The following KCNK1 variants were observed in gnomAD, a reference collection of about 807,000 sequenced individuals.
KCNK1 encodes potassium two pore domain channel subfamily K member 1.
Under a neutral mutation model 22.2 loss-of-function variants are expected in KCNK1, and 10 were observed. The ratio of observed to expected loss-of-function variants is 0.45; its 90% CI spans 0.28 to 0.76. The LOEUF (loss-of-function observed/expected upper bound fraction) is 0.76. Among genes scored for constraint, KCNK1 ranks in the 30% least tolerant of loss-of-function variants. The probability of loss-of-function intolerance (pLI) is 0.14; values close to 1 mark genes in which losing one functional copy is unlikely to be tolerated. For missense variants in KCNK1, 378 were observed against 421.0 expected (o/e 0.90, Z 0.89); for synonymous variants, 200 against 186.4 (o/e 1.07, Z -0.60).
chr1:233,639,075 C>T (rs747179967), intron 1 of KCNK1, among the ~76,000 whole-genome samples: 10 of 152,286 alleles, frequency 6.6e-5, no homozygotes, highest in Admixed American at 4.6e-4. Flanking sequence ...TGATGGGCTC[C>T]AGTCCTAACA....
intron 2 of KCNK1, among the ~76,000 whole-genome samples, chr1:233,670,992 G>A (rs1658586835): frequency 6.6e-6 from 1 of 151,998 alleles, no homozygotes; most frequent in African/African-American, 2.4e-5. Context: ...TGCCACATCA[G>A]CCCCAAGTAT....
intron 1 of KCNK1, among the ~76,000 whole-genome samples, chr1:233,640,013 G>A (rs1224415359): frequency 6.6e-6 from 1 of 152,150 alleles, no homozygotes; most frequent in Non-Finnish European, 1.5e-5. Context: ...TTCAAGTGAG[G>A]ATTTACAAAG....
At chr1:233,618,922 A>T (rs1440602473) in intron 1 of KCNK1, among the ~76,000 whole-genome samples, 2 of 152,152 alleles carry the variant, frequency 1.3e-5, no homozygotes. Context: ...AAAACAAAAA[A>T]TAATTTTTGT....
chr1:233,634,796 A>G (rs940668875), intron 1 of KCNK1, among the ~76,000 whole-genome samples: 1 of 152,230 alleles, frequency 6.6e-6, no homozygotes, highest in Non-Finnish European at 1.5e-5. Flanking sequence ...GAAAAGCAAG[A>G]TCATCTGTTG....
intron 1 of KCNK1, among the ~76,000 whole-genome samples, chr1:233,640,720 T>G (rs1178790807): frequency 6.6e-6 from 1 of 152,102 alleles, no homozygotes; most frequent in Non-Finnish European, 1.5e-5. Flanking sequence ...CTCTCTTTCT[T>G]TTTTAGACAG....
rs768120908 is a variant in KCNK1 at position 233,614,412 on chromosome 1, C to G, written c.241C>G (p.Arg81Gly). ...SEQQLEQFLG[R>G]VLEASNYGVS... ...GCAGCAGCTGGAGCAGTTCCTGGGCCGGGTGCTGGAGGCCAGCAACTACGG... is the reference window on the plus strand; with the variant it reads ...GCAGCAGCTGGAGCAGTTCCTGGGCGGGGTGCTGGAGGCCAGCAACTACGG... Residue 81 changes from arginine to glycine, a missense_variant, in exon 1 of 3, where the codon CGG becomes GGG. Transcript: ENST00000366621. 54 of 1,612,258 alleles carry G rather than the reference C, an allele frequency of 3.3e-5. No homozygotes were observed. Among genetic ancestry groups the G allele is most frequent in the Non-Finnish European group, 4.3e-5 (51 of 1,179,402 alleles).
intron 1 of KCNK1, among the ~76,000 whole-genome samples, chr1:233,629,187 A>G (rs1464329944): frequency 3.3e-5 from 5 of 152,216 alleles, no homozygotes; most frequent in Non-Finnish European, 7.3e-5. Context: ...AGTCCCAGAA[A>G]GCTGCATAGG....
chr1:233,657,566 A>G (rs1300764723), intron 1 of KCNK1, among the ~76,000 whole-genome samples: 1 of 152,074 alleles, frequency 6.6e-6, no homozygotes, highest in African/African-American at 2.4e-5. Context: ...TTTCATAAGG[A>G]ACTGTGTAAT....
intron 1 of KCNK1, chr1:233,649,875 A>G (rs1398609808): frequency 6.1e-6 from 3 of 490,634 alleles, no homozygotes; most frequent in African/African-American, 5.9e-5. Context: ...GCAAATGGAT[A>G]TCTTTAAGAA....
intron 1 of KCNK1, among the ~76,000 whole-genome samples, chr1:233,664,033 T>C (rs947965640): frequency 4.6e-5 from 7 of 152,172 alleles, no homozygotes; most frequent in South Asian, 2.1e-4. Flanking sequence ...GGTTTCACCA[T>C]GTTGGCCAGG....
At chr1:233,637,739 T>C (rs1474320373) in intron 1 of KCNK1, among the ~76,000 whole-genome samples, 3 of 152,174 alleles carry the variant, frequency 2.0e-5, no homozygotes, top group Non-Finnish European at 4.4e-5. Context: ...GAATGTAATG[T>C]CGTTTTGGGA....
intron 2 of KCNK1, among the ~76,000 whole-genome samples, chr1:233,670,243 A>C (rs1415504933): frequency 6.6e-6 from 1 of 152,204 alleles, no homozygotes; most frequent in African/African-American, 2.4e-5. Context: ...CCCAGTAACA[A>C]ACTGGTAATG....
At chr1:233,631,563 G>T in intron 1 of KCNK1, 1 of 310,230 alleles carries the variant, frequency 3.2e-6, no homozygotes, top group Admixed American at 4.2e-5. Flanking sequence ...CCTTCTAAGA[G>T]TGCACTAAAG....
At chr1:233,667,729 C>CAA (rs71170433) in intron 2 of KCNK1, among the ~76,000 whole-genome samples, 29,258 of 85,612 alleles carry the variant, frequency 0.34, 5,971 homozygotes, top group Non-Finnish European at 0.43. Flanking sequence ...GACTCCGTCT[C>CAA]AAAAAAAAAA....
intron 1 of KCNK1, among the ~76,000 whole-genome samples, chr1:233,665,183 C>CG (rs1658468229): frequency 6.6e-6 from 1 of 152,004 alleles, no homozygotes; most frequent in Non-Finnish European, 1.5e-5. Flanking sequence ...CAGAAATGAC[C>CG]GGGGGGTGGG....
At chr1:233,648,244 T>C (rs933351655) in intron 1 of KCNK1, among the ~76,000 whole-genome samples, 1 of 152,330 alleles carries the variant, frequency 6.6e-6, no homozygotes, top group African/African-American at 2.4e-5. Context: ...CTACTGAGGT[T>C]GTCCAAATGA....
intron 1 of KCNK1, among the ~76,000 whole-genome samples, chr1:233,644,154 G>A (rs1658049937): frequency 6.6e-6 from 1 of 152,192 alleles, no homozygotes; most frequent in African/African-American, 2.4e-5. Flanking sequence ...TCACATGGCA[G>A]AAGAGCAGAA....
In KCNK1 at chr1:233,661,452, A is replaced by G. The variant is rs371476590; in HGVS notation, c.356-5143A>G. On this transcript the variant is annotated intron_variant, in intron 1 of 2. Transcript: ENST00000366621. ...GATTCATGAATGAGTAGAAACAACA[A>G]TAAGTGTTTAGAAAAGTATTAAATG... Among the ~76,000 whole-genome samples the G allele has an allele frequency of 6.6e-5, 10 of 152,244 alleles. No individual in the cohort carries two copies. The East Asian group carries it at 9.6e-4, about 15-fold the overall frequency.
chr1:233,628,155 C>T lies in KCNK1; in HGVS notation c.355+13629C>T, dbSNP rs532597145. ...CTCAGCTAAGGGTGGTGCCATCTCACGGGAGCATTCCCTCATAACCATCAC... is the reference window on the plus strand; with the variant it reads ...CTCAGCTAAGGGTGGTGCCATCTCATGGGAGCATTCCCTCATAACCATCAC... On this transcript the variant is annotated intron_variant, in intron 1 of 2. Transcript: ENST00000366621. 5.3e-5 allele frequency among the ~76,000 whole-genome samples: 8 copies of T among 152,270 alleles called. No individual in the cohort carries two copies. The East Asian group carries it at 5.8e-4, about 11-fold the overall frequency.
Sources: allele counts gnomAD v4.1 joint callset (sites outside exome capture counted in the v4.1 genomes callset), GRCh38; gene constraint gnomAD v4.1.1; transcripts MANE v1.5; gene names NCBI Gene and HGNC (gene_info 2026-07-23, HGNC 2026-07-21).